Variants in ATP8A2 observed in about 807,000 individuals in gnomAD.
The protein encoded by ATP8A2 is ATPase phospholipid transporting 8A2.
In ATP8A2, 100 loss-of-function variants were observed where a neutral mutation model predicts 165.6. That is an observed-to-expected ratio of 0.60 (90% confidence interval 0.51 to 0.71). ATP8A2 has a LOEUF of 0.71. Ranked by LOEUF, ATP8A2 falls within the 30% of genes least tolerant of loss-of-function variation. The probability of loss-of-function intolerance (pLI) is 0.00; values close to 1 mark genes in which losing one functional copy is unlikely to be tolerated. For missense variants in ATP8A2, 1,227 were observed against 1,479.5 expected (o/e 0.83, Z 2.80); for synonymous variants, 543 against 548.8 (o/e 0.99, Z 0.15).
chr13:25,771,984 A>G (rs2044630180), intron 26 of ATP8A2, among the ~76,000 whole-genome samples: 1 of 152,168 alleles, frequency 6.6e-6, no homozygotes, highest in South Asian at 2.1e-4. Flanking sequence ...CAGGGTTATT[A>G]TACTCAGAAA....
intron 27 of ATP8A2, among the ~76,000 whole-genome samples, chr13:25,824,504 C>T (rs1201748176): frequency 6.6e-6 from 1 of 152,098 alleles, no homozygotes; most frequent in Non-Finnish European, 1.5e-5. Flanking sequence ...TTGTCATATC[C>T]TCTTATTTTT....
intron 24 of ATP8A2, among the ~76,000 whole-genome samples, chr13:25,697,792 TAAC>T (rs2042865456): frequency 6.6e-6 from 1 of 152,176 alleles, no homozygotes; most frequent in African/African-American, 2.4e-5. Context: ...GTCACAGAGG[TAAC>T]AAGTAGAGAG....
At chr13:25,872,453 T>C (rs1267890767) in intron 33 of ATP8A2, among the ~76,000 whole-genome samples, 2 of 152,192 alleles carry the variant, frequency 1.3e-5, no homozygotes, top group Admixed American at 1.3e-4. Context: ...TGTTAGATAT[T>C]GTCGTTCTAT....
chr13:25,885,365 G>A (rs142119951), intron 33 of ATP8A2, among the ~76,000 whole-genome samples: 3 of 151,814 alleles, frequency 2.0e-5, no homozygotes, highest in Non-Finnish European at 4.4e-5. Context: ...CATCTGCCTC[G>A]GCCTCCCAAA....
chr13:25,616,815 C>G (rs965010540), intron 24 of ATP8A2, among the ~76,000 whole-genome samples: 6 of 152,114 alleles, frequency 3.9e-5, no homozygotes, highest in African/African-American at 1.4e-4. Context: ...ATCTCATAGG[C>G]TGAATTAGGT....
At chr13:25,589,032 C>T (rs1479763136) in intron 23 of ATP8A2, among the ~76,000 whole-genome samples, 5 of 151,950 alleles carry the variant, frequency 3.3e-5, no homozygotes, top group Admixed American at 3.3e-4. Flanking sequence ...TCGCTTAACC[C>T]ATAGAGATAA....
At chr13:25,947,550 C>G (rs925525600) in intron 33 of ATP8A2, among the ~76,000 whole-genome samples, 7 of 152,138 alleles carry the variant, frequency 4.6e-5, no homozygotes, top group Non-Finnish European at 1.0e-4. Context: ...AAGAGGGTCT[C>G]CAGGACTTCC....
chr13:25,664,868 C>T (rs1204709157), intron 24 of ATP8A2, among the ~76,000 whole-genome samples: 39 of 150,820 alleles, frequency 2.6e-4, no homozygotes, highest in Admixed American at 2.4e-3. Context: ...TTCTTGAATG[C>T]GAGAGAGCTT....
rs58154499 is a variant in ATP8A2 at position 25,524,886 on chromosome 13, ACTTCCTTCCTTCCTTCCTTCCTTC to A, written c.222-5084_222-5061del. 5.0e-4 allele frequency among the ~76,000 whole-genome samples: 71 copies of A among 141,724 alleles called. 1 individual carries two copies. Among genetic ancestry groups the A allele is most frequent in the East Asian group, 3.0e-3 (14 of 4,606 alleles). The allele number at this position is 141,724 out of a possible 152,430, so 93.0% of individuals were successfully genotyped here. ...CTGCTTGTTTTCTCATTGTTTGATA[ACTTCCTTCCTTCCTTCCTTCCTTC>A]CTTCCTTCCTTCCTTCCTTCCTTCC... On this transcript the variant is annotated intron_variant, in intron 2 of 36. Transcript: ENST00000381655.
intron 35 of ATP8A2, among the ~76,000 whole-genome samples, chr13:25,997,189 C>T (rs753324401): frequency 1.3e-5 from 2 of 152,186 alleles, no homozygotes; most frequent in Non-Finnish European, 2.9e-5. Flanking sequence ...GTTTTCCTTC[C>T]ATTCAAGAGA....
intron 2 of ATP8A2, among the ~76,000 whole-genome samples, chr13:25,513,318 C>A (rs553545894): frequency 6.7e-6 from 1 of 149,748 alleles, no homozygotes; most frequent in Admixed American, 6.6e-5. Flanking sequence ...ACATCCCAGA[C>A]GGGGCGGTGG....
At chr13:25,902,393 G>A (rs548884780) in intron 33 of ATP8A2, among the ~76,000 whole-genome samples, 1 of 152,002 alleles carries the variant, frequency 6.6e-6, no homozygotes, top group African/African-American at 2.4e-5. Flanking sequence ...TCCAAATGAC[G>A]GGTGTTTTTG....
At chr13:25,496,382 C>T (rs1477625476) in intron 2 of ATP8A2, among the ~76,000 whole-genome samples, 1 of 152,026 alleles carries the variant, frequency 6.6e-6, no homozygotes, top group Non-Finnish European at 1.5e-5. Context: ...ATTTTGAACC[C>T]CTGCATGAAA....
At chr13:25,836,157 T>C (rs1338610965) in intron 28 of ATP8A2, among the ~76,000 whole-genome samples, 1 of 143,338 alleles carries the variant, frequency 7.0e-6, no homozygotes, top group African/African-American at 2.6e-5. Context: ...TTGCTGTGAA[T>C]CTCCTGTTTT....
At chr13:25,860,053 A>T in intron 30 of ATP8A2, 142 bp from the exon 31 acceptor site, 1 of 499,348 alleles carries the variant, frequency 2.0e-6, no homozygotes, top group Non-Finnish European at 3.7e-6. Flanking sequence ...AAAGAGAAGT[A>T]AGCATTAGAG....
intron 2 of ATP8A2, among the ~76,000 whole-genome samples, chr13:25,477,058 C>T (rs2036015377): frequency 6.6e-6 from 1 of 152,120 alleles, no homozygotes. Context: ...AAAAGCCTGT[C>T]AGCATTGGGC....
intron 25 of ATP8A2, among the ~76,000 whole-genome samples, chr13:25,763,547 C>T (rs898506514): frequency 1.3e-5 from 2 of 152,088 alleles, no homozygotes; most frequent in African/African-American, 4.8e-5. Context: ...CTATTGGGCT[C>T]GCCTGAATGC....
chr13:25,372,297 G>T lies in ATP8A2; in HGVS notation c.76+9G>T. 1.4e-6 allele frequency: 2 copies of T among 1,470,554 alleles called. No homozygotes were observed. The highest frequency in any genetic ancestry group is 2.6e-5 in the South Asian group (2 of 77,386). The allele number at this position is 1,470,554 out of a possible 1,614,324, so 91.1% of individuals were successfully genotyped here. A position where few individuals can be genotyped will look rare whatever the true frequency, so the allele number is the denominator to read the frequency against. The stretch of plus-strand genomic sequence containing the variant: ...GATCCGCTCGTCCGTGGGTGAGCTG[G>T]GAGGGGCGCGGCGAGGGAGGGTGGG... On this transcript the variant is annotated intron_variant, in intron 1 of 36. Coordinates refer to ENST00000381655, the MANE Select transcript of ATP8A2 (RefSeq NM_016529.6). The surrounding 1 kb of genome is among the most constrained non-coding windows in gnomAD (Gnocchi z 4.8).
chr13:25,581,984 G>T, intron 23 of ATP8A2, 27 bp downstream of exon 23: 3 of 1,585,944 alleles, frequency 1.9e-6, no homozygotes, highest in Non-Finnish European at 2.6e-6. Context: ...ATAATTTCCT[G>T]ATGCTGGGTT....
Sources: allele counts gnomAD v4.1 joint callset (sites outside exome capture counted in the v4.1 genomes callset), GRCh38; gene constraint gnomAD v4.1.1; non-coding constraint Gnocchi (gnomAD v3.1); transcripts MANE v1.5; gene names NCBI Gene and HGNC (gene_info 2026-07-23, HGNC 2026-07-21).